SLC13A1: variants seen among roughly 807,000 people sequenced by gnomAD.
The protein encoded by SLC13A1 is solute carrier family 13 member 1, also known as Na(+)/sulfate cotransporter.
In SLC13A1, 65 loss-of-function variants were observed where a neutral mutation model predicts 70.0. That is an observed-to-expected ratio of 0.93 (90% CI 0.76 to 1.14). SLC13A1 has a LOEUF of 1.14. SLC13A1 is among the 50% of genes most tolerant of loss of function. The probability of loss-of-function intolerance (pLI) is 0.00; values close to 1 mark genes in which losing one functional copy is unlikely to be tolerated. For missense variants in SLC13A1, 726 were observed against 717.8 expected (o/e 1.01, Z -0.13); for synonymous variants, 275 against 250.5 (o/e 1.10, Z -0.92).
At chr7:123,165,981 G>A (rs756285873) in intron 6 of SLC13A1, among the ~76,000 whole-genome samples, 5 of 151,960 alleles carry the variant, frequency 3.3e-5, no homozygotes, top group Middle Eastern at 3.4e-3. Flanking sequence ...TCATGAGTTC[G>A]CACTCTTCTG....
intron 6 of SLC13A1, among the ~76,000 whole-genome samples, chr7:123,167,939 A>T (rs2116537924): frequency 6.6e-6 from 1 of 152,266 alleles, no homozygotes; most frequent in South Asian, 2.1e-4. Flanking sequence ...CCTACCTATC[A>T]GGTACTATGC....
intron 7 of SLC13A1, among the ~76,000 whole-genome samples, chr7:123,143,094 A>G (rs1180164960): frequency 6.6e-6 from 1 of 152,094 alleles, no homozygotes; most frequent in Non-Finnish European, 1.5e-5. Flanking sequence ...AAGATGCAAG[A>G]CAAAGTCCTC....
At chr7:123,128,724 A>G in intron 10 of SLC13A1, 121 bp downstream of exon 10, 1 of 664,640 alleles carries the variant, frequency 1.5e-6, no homozygotes, top group Middle Eastern at 2.5e-4. Flanking sequence ...AACTTAAAAT[A>G]TCTTTTCAAG....
At position 123,169,150 on chromosome 7, in the gene SLC13A1, T is replaced by C. The variant is rs750248512; in HGVS notation, c.551A>G (p.Asp184Gly). The C allele has an allele frequency of 1.2e-6, 2 of 1,613,876 alleles. No individual in the cohort carries two copies. Among genetic ancestry groups the C allele is most frequent in the Non-Finnish European group, 8.5e-7 (1 of 1,179,816 alleles). ...TTGGCCATATCAACATGTGATACCATCAATTTCTAGTCCGTGGTTGGTTGA... is the reference window on the plus strand; with the variant it reads ...TTGGCCATATCAACATGTGATACCACCAATTTCTAGTCCGTGGTTGGTTGA... ...NGSTNHGLEI[D>G]ESVNGHEINE... The change falls in exon 4 of 15, where the codon GAT (aspartate) becomes GGT (glycine). Residue 184 changes from aspartate (D) to glycine (G), a missense_variant and splice_region_variant. Coordinates refer to ENST00000194130, the MANE Select transcript of SLC13A1 (RefSeq NM_022444.4).
At chr7:123,120,825 T>G (rs1793352553) in intron 12 of SLC13A1, among the ~76,000 whole-genome samples, 1 of 152,024 alleles carries the variant, frequency 6.6e-6, no homozygotes, top group African/African-American at 2.4e-5. Context: ...AAGAATAGGT[T>G]TTATCTATGT....
Position 123,119,125 on chromosome 7 carries a change from T to C in SLC13A1, c.1468A>G (p.Asn490Asp). Residue 490 changes from asparagine (N) to aspartate (D), a missense_variant, in exon 13 of 15, where the codon AAT (asparagine) becomes GAT (aspartate). By Grantham distance (23) the Asn-to-Asp change is conservative (BLOSUM62 1). Coordinates refer to ENST00000194130, the MANE Select transcript of SLC13A1 (RefSeq NM_022444.4). ...AGAAAGAGTGTAATGGTAGCTGGAT[T>C]GCTGGCTACCTCAGTTAAAGATGTC... ...MVTSLTEVASNPATITLFLPI... is the reference protein window; with the variant it reads ...MVTSLTEVASDPATITLFLPI... The C allele has an allele frequency of 6.2e-7, 1 of 1,612,664 alleles. No homozygotes were observed. Among genetic ancestry groups the C allele is most frequent in the Non-Finnish European group, 8.5e-7 (1 of 1,179,114 alleles).
chr7:123,191,879 G>A (rs1416782394), intron 1 of SLC13A1, among the ~76,000 whole-genome samples: 1 of 152,138 alleles, frequency 6.6e-6, no homozygotes, highest in African/African-American at 2.4e-5. Context: ...AACATTTAAA[G>A]CAGTACTTGG....
intron 9 of SLC13A1, 52 bp from the exon 10 acceptor site, chr7:123,128,998 T>C (rs780930497): frequency 8.4e-7 from 1 of 1,185,644 alleles, no homozygotes; most frequent in South Asian, 1.3e-5. Flanking sequence ...TCGGGACATT[T>C]GTAGAAACTC....
At chr7:123,190,112 T>G (rs76462411) in intron 1 of SLC13A1, among the ~76,000 whole-genome samples, 1,642 of 152,338 alleles carry the variant, frequency 0.011, 23 homozygotes, top group African/African-American at 0.037. Context: ...CCTAGTATTC[T>G]TTCTCAGTTC....
At chr7:123,116,401 GT>G (rs1285143560) in intron 14 of SLC13A1, among the ~76,000 whole-genome samples, 1 of 152,196 alleles carries the variant, frequency 6.6e-6, no homozygotes, top group Non-Finnish European at 1.5e-5. Flanking sequence ...GAGTTGAGTA[GT>G]TGTGACAGAG....
chr7:123,149,545 T>C (rs1794482849), intron 6 of SLC13A1: 1 of 456,436 alleles, frequency 2.2e-6, no homozygotes, highest in Non-Finnish European at 4.4e-6. Context: ...ATAAGCAGAC[T>C]GTCTCTCAGC....
intron 12 of SLC13A1, among the ~76,000 whole-genome samples, chr7:123,120,719 T>A (rs1310962019): frequency 6.6e-6 from 1 of 152,108 alleles, no homozygotes; most frequent in African/African-American, 2.4e-5. Context: ...TATTTTTGTT[T>A]ATCTGCTTGT....
At chr7:123,141,919 T>A (rs909208005) in intron 7 of SLC13A1, among the ~76,000 whole-genome samples, 14 of 152,174 alleles carry the variant, frequency 9.2e-5, no homozygotes, top group African/African-American at 3.1e-4. Context: ...TTAGTCCACT[T>A]ACATTCAATG....
At chr7:123,130,580 G>T (rs1390232005) in intron 8 of SLC13A1, among the ~76,000 whole-genome samples, 1 of 152,040 alleles carries the variant, frequency 6.6e-6, no homozygotes, top group Non-Finnish European at 1.5e-5. Flanking sequence ...TGGAGGGAGG[G>T]AGAGCATCAA....
At chr7:123,153,675 C>G (rs1794629326) in intron 6 of SLC13A1, among the ~76,000 whole-genome samples, 1 of 152,032 alleles carries the variant, frequency 6.6e-6, no homozygotes, top group Non-Finnish European at 1.5e-5. Flanking sequence ...GCAGGTATCA[C>G]AGCAGATTAA....
intron 1 of SLC13A1, among the ~76,000 whole-genome samples, chr7:123,189,045 G>A (rs1375733458): frequency 6.8e-6 from 1 of 146,932 alleles, no homozygotes; most frequent in Non-Finnish European, 1.5e-5. Context: ...AACCCGGGAG[G>A]CGGAGCTTGC....
chr7:123,158,454 A>T (rs531682008), intron 6 of SLC13A1, among the ~76,000 whole-genome samples: 139 of 152,214 alleles, frequency 9.1e-4, no homozygotes, highest in African/African-American at 2.9e-3. Flanking sequence ...GATGTTAAAT[A>T]GCTTAGAAAC....
At position 123,114,035 on chromosome 7, in the gene SLC13A1, G is replaced by A. The variant is rs1191805068; in HGVS notation, c.*1483C>T. ...GGAGGCGGAGCTTGCAGTGAGCCGA[G>A]ATCCCGCCACTGCACTCCAGCCTGG... On this transcript the variant is annotated 3_prime_UTR_variant, in exon 15 of 15. Coordinates refer to ENST00000194130, the MANE Select transcript of SLC13A1 (RefSeq NM_022444.4). The A allele has an allele frequency of 8.1e-6, 1 of 123,364 alleles. No homozygotes were observed. Among genetic ancestry groups the A allele is most frequent in the African/African-American group, 3.1e-5 (1 of 32,264 alleles). 7.6% of individuals were successfully genotyped at this position (123,364 alleles called of 1,614,324 possible).
chr7:123,135,806 G>T (rs909409342), intron 7 of SLC13A1, among the ~76,000 whole-genome samples: 10 of 152,140 alleles, frequency 6.6e-5, no homozygotes, highest in Admixed American at 3.9e-4. Flanking sequence ...AGCAACTGGA[G>T]GATAATTTTT....
Sources: gnomAD v4.1 joint callset for allele counts (sites outside exome capture counted in the v4.1 genomes callset) on GRCh38, gnomAD v4.1.1 for gene constraint, MANE v1.5 for transcripts, NCBI Gene and HGNC (gene_info 2026-07-23, HGNC 2026-07-21) for gene names.